The following MSRA variants were observed in gnomAD, a reference collection of about 807,000 sequenced individuals.
MSRA encodes methionine sulfoxide reductase A, also known as mitochondrial peptide methionine sulfoxide reductase.
MSRA carries 54 observed loss-of-function variants against 31.3 expected under a neutral mutation model. That is an observed-to-expected ratio of 1.73 (90% CI 1.39 to 2.17). MSRA has a LOEUF of 2.17. Ranked by LOEUF, MSRA falls within the 30% of genes most tolerant of loss-of-function variation. MSRA has a pLI of 0.00. For missense variants in MSRA, 507 were observed against 300.9 expected (o/e 1.69, Z -5.07); for synonymous variants, 169 against 116.5 (o/e 1.45, Z -2.90).
chr8:10,198,112 TC>T (rs1465724536), intron 1 of MSRA, among the ~76,000 whole-genome samples: 1 of 152,190 alleles, frequency 6.6e-6, no homozygotes, highest in East Asian at 1.9e-4. Context: ...AGCGTTGCTT[TC>T]AGTTTTTTTT....
chr8:10,097,338 A>G (rs1420470066), intron 1 of MSRA, among the ~76,000 whole-genome samples: 1 of 152,154 alleles, frequency 6.6e-6, no homozygotes, highest in Non-Finnish European at 1.5e-5. Flanking sequence ...AAGCTCCTTT[A>G]TACACTACGT....
intron 2 of MSRA, among the ~76,000 whole-genome samples, chr8:10,210,842 T>A (rs1200328889): frequency 1.3e-5 from 2 of 151,880 alleles, no homozygotes; most frequent in Non-Finnish European, 2.9e-5. Context: ...CAAGCGATTC[T>A]CCTGCCTCAG....
At chr8:10,143,527 G>A (rs1032480042) in intron 1 of MSRA, among the ~76,000 whole-genome samples, 12 of 152,062 alleles carry the variant, frequency 7.9e-5, no homozygotes, top group Admixed American at 6.6e-4. Context: ...GGATTAAATC[G>A]CAGTTCTCAT....
chr8:10,354,565 T>C (rs902905840), intron 5 of MSRA, among the ~76,000 whole-genome samples: 1 of 152,178 alleles, frequency 6.6e-6, no homozygotes, highest in Non-Finnish European at 1.5e-5. Context: ...TCTATGGGAA[T>C]AAATACCTTA....
intron 3 of MSRA, among the ~76,000 whole-genome samples, chr8:10,255,045 G>A (rs998558882): frequency 2.6e-5 from 4 of 152,234 alleles, no homozygotes; most frequent in African/African-American, 9.6e-5. Context: ...AAAACAGTGT[G>A]CAAGATGCTG....
At chr8:10,166,705 C>T (rs1296267365) in intron 1 of MSRA, among the ~76,000 whole-genome samples, 10 of 152,162 alleles carry the variant, frequency 6.6e-5, no homozygotes. Flanking sequence ...TTCACTTGAT[C>T]ATACTTTTAC....
At chr8:10,178,498 C>T (rs565571527) in intron 1 of MSRA, among the ~76,000 whole-genome samples, 7 of 152,240 alleles carry the variant, frequency 4.6e-5, no homozygotes, top group African/African-American at 1.7e-4. Context: ...AAAAAAACTG[C>T]TATCATCCAT....
At chr8:10,378,078 C>G (rs527365812) in intron 5 of MSRA, among the ~76,000 whole-genome samples, 2 of 152,338 alleles carry the variant, frequency 1.3e-5, no homozygotes, top group Admixed American at 1.3e-4. Flanking sequence ...TCGACATTGG[C>G]AGAGGAACTC....
intron 1 of MSRA, among the ~76,000 whole-genome samples, chr8:10,155,691 G>C (rs1804098408): frequency 6.6e-6 from 1 of 152,096 alleles, no homozygotes; most frequent in South Asian, 2.1e-4. Flanking sequence ...TCTCTCACTG[G>C]TCAAACTTGG....
At chr8:10,249,286 A>C (rs1171624518) in intron 3 of MSRA, among the ~76,000 whole-genome samples, 1 of 152,198 alleles carries the variant, frequency 6.6e-6, no homozygotes, top group Non-Finnish European at 1.5e-5. Flanking sequence ...TGCCTCTCTG[A>C]GATATATATC....
In MSRA at chr8:10,319,988, A is replaced by G; in HGVS notation, c.542A>G (p.Lys181Arg). 6 of 1,595,620 alleles carry G rather than the reference A, an allele frequency of 3.8e-6. No homozygotes were observed. The highest frequency in any genetic ancestry group is 5.1e-6 in the Non-Finnish European group (6 of 1,170,796). ...CTGAGCTCCAAAGAGAACTACCAAA[A>G]GGTAGGGATTGCTGGGCTCCTAGCC... ...AALSSKENYQ[K>R]VLSEHGFGPI... is the part of the protein sequence containing the mutation. The change falls in exon 5 of 6, where the codon AAG becomes AGG. Residue 181 changes from lysine to arginine, a missense_variant and splice_region_variant. Coordinates refer to ENST00000317173, the MANE Select transcript of MSRA (RefSeq NM_012331.5).
At chr8:10,394,669 C>T (rs1056989264) in intron 5 of MSRA, among the ~76,000 whole-genome samples, 1 of 152,222 alleles carries the variant, frequency 6.6e-6, no homozygotes, top group Admixed American at 6.5e-5. Context: ...AACCCAAAGC[C>T]ACGCTTCCGC....
At chr8:10,118,657 C>G (rs1376194685) in intron 1 of MSRA, among the ~76,000 whole-genome samples, 2 of 152,072 alleles carry the variant, frequency 1.3e-5, no homozygotes, top group Non-Finnish European at 2.9e-5. Flanking sequence ...GTGCCGTGTG[C>G]TCCTTACCGC....
chr8:10,207,230 G>A (rs1809072741), intron 1 of MSRA, among the ~76,000 whole-genome samples: 1 of 152,162 alleles, frequency 6.6e-6, no homozygotes, highest in African/African-American at 2.4e-5. Flanking sequence ...TGACTGGTTA[G>A]GAGGACCTGG....
In MSRA at chr8:10,381,804, A is replaced by G. The variant is rs556669523; in HGVS notation, c.544-46344A>G. Among the ~76,000 whole-genome samples the G allele has an allele frequency of 9.2e-5, 14 of 152,216 alleles. No individual in the cohort carries two copies. The East Asian group carries it at 2.7e-3, about 29-fold the overall frequency. ...ACCTTTGCTTCCGTGGAGATCAAGG[A>G]GCTGTAACAATGACACCTGAAGTCA... On this transcript the variant is annotated intron_variant, in intron 5 of 5. Coordinates refer to ENST00000317173, the MANE Select transcript of MSRA (RefSeq NM_012331.5).
intron 1 of MSRA, among the ~76,000 whole-genome samples, chr8:10,121,306 C>G (rs1203116794): frequency 6.6e-6 from 1 of 152,152 alleles, no homozygotes; most frequent in Non-Finnish European, 1.5e-5. Context: ...AGGTTGCTGG[C>G]TAGGGCCTGG....
At position 10,367,417 on chromosome 8, in the gene MSRA, A is replaced by G. The variant is rs111453861; in HGVS notation, c.543+47428A>G. On this transcript the variant is annotated intron_variant, in intron 5 of 5. Transcript: ENST00000317173. ...ATGTATACGAAAAAATATAGTATAT[A>G]TAGGGTCCCATATCCTCTGAGGTTT... Among the ~76,000 whole-genome samples the G allele has an allele frequency of 5.9e-5, 9 of 152,354 alleles. 1 individual carries two copies. The highest frequency in any genetic ancestry group is 2.2e-4 in the African/African-American group (9 of 41,584).
At chr8:10,064,325 G>C (rs542355399) in intron 1 of MSRA, among the ~76,000 whole-genome samples, 1 of 152,156 alleles carries the variant, frequency 6.6e-6, no homozygotes, top group East Asian at 1.9e-4. Context: ...GTAAGCTCGG[G>C]CTCTTATGAA....
intron 1 of MSRA, among the ~76,000 whole-genome samples, chr8:10,177,721 T>C (rs553332867): frequency 1.3e-5 from 2 of 152,366 alleles, no homozygotes; most frequent in African/African-American, 4.8e-5. Context: ...TTTTATTTAT[T>C]GGCAAGCTTT....
Sources: allele counts gnomAD v4.1 joint callset (sites outside exome capture counted in the v4.1 genomes callset), GRCh38; gene constraint gnomAD v4.1.1; transcripts MANE v1.5; gene names NCBI Gene and HGNC (gene_info 2026-07-23, HGNC 2026-07-21).